The following NDRG4 variants were observed in gnomAD, a reference collection of about 807,000 sequenced individuals.
NDRG4 encodes the protein protein NDRG4.
Under a neutral mutation model 55.8 loss-of-function variants are expected in NDRG4, and 38 were observed. The observed-to-expected ratio is 0.68, with a 90% CI of 0.53 to 0.89. The LOEUF (loss-of-function observed/expected upper bound fraction) is 0.89, where lower values mean the gene tolerates loss of function less well. NDRG4 is among the 40% of genes least tolerant of loss of function. The pLI, the probability that NDRG4 is intolerant of heterozygous loss-of-function variation, is 0.00. For missense variants in NDRG4, 455 were observed against 468.6 expected (o/e 0.97, Z 0.27); for synonymous variants, 190 against 182.7 (o/e 1.04, Z -0.32).
intron 1 of NDRG4, among the ~76,000 whole-genome samples, chr16:58,480,714 A>C (rs2151630293): frequency 6.6e-6 from 1 of 152,336 alleles, no homozygotes; most frequent in Non-Finnish European, 1.5e-5. Flanking sequence ...AGGGTTGGAC[A>C]AATGAACAAG....
chr16:58,466,439 C>G (rs1484035324), intron 1 of NDRG4, among the ~76,000 whole-genome samples: 1 of 152,214 alleles, frequency 6.6e-6, no homozygotes, highest in Non-Finnish European at 1.5e-5. Context: ...GTGGGGGGCT[C>G]AAGCAGGGGT....
At chr16:58,506,752 C>G (rs139378054) in intron 7 of NDRG4, 138 bp downstream of exon 7, 25,299 of 1,203,754 alleles carry the variant, frequency 0.021, 318 homozygotes, top group Non-Finnish European at 0.025. Context: ...GACAGACATC[C>G]CCTCCCAAGG....
chr16:58,465,739 AAAAT>A (rs1272299013), intron 1 of NDRG4, among the ~76,000 whole-genome samples: 2 of 152,198 alleles, frequency 1.3e-5, no homozygotes, highest in African/African-American at 2.4e-5. Context: ...TCTTTACAAA[AAAAT>A]AAATAAATAA....
chr16:58,487,769 C>A (rs1350261745), exon 2 of NDRG4: 1 of 1,543,018 alleles, frequency 6.5e-7, no homozygotes, highest in Non-Finnish European at 8.7e-7. Context: ...TCCTGCTCCA[C>A]GACGTGACCA....
chr16:58,464,439 G>A lies in NDRG4; in HGVS notation c.-24+642G>A. 7.3e-7 allele frequency: 1 copy of A among 1,362,842 alleles called. No individual in the cohort carries two copies. Among genetic ancestry groups the A allele is most frequent in the Non-Finnish European group, 9.4e-7 (1 of 1,060,302 alleles). 84.4% of individuals were successfully genotyped at this position (1,362,842 alleles called of 1,614,324 possible). ...CCGCGCCGGGCGCCGAGATGAAGGT[G>A]CTGGGACACCGGCTGGAGCTGCTCA... On this transcript the variant is annotated intron_variant, in intron 1 of 15. Transcript: ENST00000258187. This position sits in a 1 kb window ranked among gnomAD's most constrained non-coding sequence, Gnocchi z 4.8.
downstream of NDRG4, among the ~76,000 whole-genome samples, chr16:58,514,077 AC>A (rs1181604800): frequency 6.6e-6 from 1 of 152,242 alleles, no homozygotes; most frequent in Non-Finnish European, 1.5e-5. Context: ...AAGATAAATG[AC>A]CTACTCTTTG....
At chr16:58,473,127 G>A (rs1222006449) in intron 1 of NDRG4, among the ~76,000 whole-genome samples, 2 of 152,026 alleles carry the variant, frequency 1.3e-5, no homozygotes, top group African/African-American at 4.8e-5. Flanking sequence ...CCTTCCCTCT[G>A]TTCCTTCTCC....
intron 3 of NDRG4, chr16:58,495,115 G>T: frequency 3.7e-6 from 4 of 1,092,246 alleles, no homozygotes; most frequent in Non-Finnish European, 5.5e-6. Flanking sequence ...TGTGCCCCCT[G>T]CCTAACAGAG....
intron 13 of NDRG4, among the ~76,000 whole-genome samples, chr16:58,509,969 C>T (rs1243385194): frequency 1.3e-5 from 2 of 152,262 alleles, no homozygotes; most frequent in South Asian, 4.1e-4. Context: ...CAACACACCC[C>T]TTGTGTGTCT....
At chr16:58,505,463 T>C (rs1262030000) in intron 5 of NDRG4, among the ~76,000 whole-genome samples, 1 of 147,964 alleles carries the variant, frequency 6.8e-6, no homozygotes, top group Non-Finnish European at 1.5e-5. Context: ...TTTTTCACGA[T>C]CGAAGACATT....
In NDRG4 at chr16:58,508,957, C is replaced by T; in HGVS notation, c.730-5C>T. On this transcript the variant is annotated splice_polypyrimidine_tract_variant and splice_region_variant and intron_variant, in intron 10 of 14. Transcript: ENST00000570248. ...CTGTTGCTGAAGCTGGCTCCTTGTC[C>T]TCAGGTGGAGTGCAACTCCAAACTG... 1 of 1,613,710 alleles carries T rather than the reference C, an allele frequency of 6.2e-7. No individual in the cohort carries two copies. The highest frequency in any genetic ancestry group is 8.5e-7 in the Non-Finnish European group (1 of 1,179,896).
Position 58,511,938 on chromosome 16 carries a change from G to T in NDRG4, c.*362G>T, listed in dbSNP as rs1480596908. ...TTGGAGATGAGAGAGGCTTCGAGAG[G>T]GTGGGTGCTGGGCCACAGGGGTGCG... On this transcript the variant is annotated 3_prime_UTR_variant, in exon 15 of 15. Coordinates refer to ENST00000570248, the MANE Select transcript of NDRG4 (RefSeq NM_001242835.2). 4 of 452,402 alleles carry T rather than the reference G, an allele frequency of 8.8e-6. No homozygotes were observed. The highest frequency in any genetic ancestry group is 4.9e-5 in the Admixed American group (2 of 40,592). The allele number at this position is 452,402 out of a possible 1,614,324, so 28.0% of individuals were successfully genotyped here. A position where few individuals can be genotyped will look rare whatever the true frequency, so the allele number is the denominator to read the frequency against.
intron 1 of NDRG4, among the ~76,000 whole-genome samples, chr16:58,479,723 A>G (rs1480622681): frequency 6.6e-6 from 1 of 152,216 alleles, no homozygotes; most frequent in African/African-American, 2.4e-5. Context: ...CAGCACTGTC[A>G]TAGACACAGG....
chr16:58,487,801 G>A (rs377012038), exon 2 of NDRG4: 311 of 1,543,938 alleles, frequency 2.0e-4, no homozygotes, highest in Non-Finnish European at 2.6e-4. Flanking sequence ...CAGGAGCTGC[G>A]ATTCCCTGAG....
At chr16:58,509,403 C>T (rs756600909) in intron 13 of NDRG4, 51 bp downstream of exon 13, 1 of 1,587,580 alleles carries the variant, frequency 6.3e-7, no homozygotes, top group Non-Finnish European at 8.6e-7. Flanking sequence ...GGTGGGCAGG[C>T]AGTGCTGGGG....
At chr16:58,513,835 G>GT (rs1442529073), downstream of NDRG4, among the ~76,000 whole-genome samples, 2 of 152,182 alleles carry the variant, frequency 1.3e-5, no homozygotes, top group Non-Finnish European at 2.9e-5. Context: ...GCGCGTGCCT[G>GT]TAATACCAGC....
chr16:58,495,838 C>G (rs2036344219), upstream of NDRG4, among the ~76,000 whole-genome samples: 1 of 152,166 alleles, frequency 6.6e-6, no homozygotes, highest in Non-Finnish European at 1.5e-5. Context: ...AATGCCATCT[C>G]CAAGCACAAA....
At chr16:58,498,264 G>A (rs138347510), upstream of NDRG4, among the ~76,000 whole-genome samples, 22 of 152,304 alleles carry the variant, frequency 1.4e-4, no homozygotes, top group African/African-American at 4.3e-4. Context: ...GGAATGGGGA[G>A]CATGGCCAGG....
Position 58,507,842 on chromosome 16 carries a change from G to A in NDRG4, c.655G>A (p.Val219Met), listed in dbSNP as rs2038245195. The change falls in exon 9 of 15, where the codon GTG (valine) becomes ATG (methionine). Residue 219 changes from valine to methionine, a missense_variant. Physicochemically the swap from Val to Met is conservative, Grantham distance 21. Transcript: ENST00000570248. The part of the protein sequence containing the change: ...RDLDINRPGT[V>M]PNAKTLRCPV... ...CCTGGACATTAACCGGCCTGGAACG[G>A]TGCCCAATGCCAAGACGCTCCGGTG... 6.2e-7 allele frequency: 1 copy of A among 1,613,998 alleles called. No homozygotes were observed. Among genetic ancestry groups the A allele is most frequent in the Non-Finnish European group, 8.5e-7 (1 of 1,180,000 alleles).
Sources: allele counts gnomAD v4.1 joint callset (sites outside exome capture counted in the v4.1 genomes callset), GRCh38; gene constraint gnomAD v4.1.1; non-coding constraint Gnocchi (gnomAD v3.1); transcripts MANE v1.5; gene names NCBI Gene and HGNC (gene_info 2026-07-23, HGNC 2026-07-21).